The following ADGRB3 variants were observed in gnomAD, a reference collection of about 807,000 sequenced individuals.
ADGRB3 encodes adhesion G protein-coupled receptor B3.
ADGRB3 carries 37 observed loss-of-function variants against 193.4 expected under a neutral mutation model. The ratio of observed to expected loss-of-function variants is 0.19; its 90% CI spans 0.15 to 0.25. ADGRB3 has a LOEUF of 0.25. Among genes scored for constraint, ADGRB3 ranks in the 10% least tolerant of loss-of-function variants. The pLI, the probability that ADGRB3 is intolerant of heterozygous loss-of-function variation, is 1.00. For synonymous variants in ADGRB3, 690 were observed against 644.2 expected, an observed-to-expected ratio of 1.07 and a Z score of -1.08; for missense variants, 1,637 against 1,852.9, an observed-to-expected ratio of 0.88 and a Z score of 2.14.
chr6:68,848,960 A>G, intron 3 of ADGRB3, among the ~76,000 whole-genome samples: 1 of 152,074 alleles, frequency 6.6e-6, no homozygotes, highest in East Asian at 1.9e-4. Flanking sequence ...TCAGTTAATA[A>G]AAACACCATT....
At chr6:69,086,363 T>C (rs1419211603) in intron 17 of ADGRB3, among the ~76,000 whole-genome samples, 1 of 152,140 alleles carries the variant, frequency 6.6e-6, no homozygotes, top group Non-Finnish European at 1.5e-5. Context: ...TTTGATACTC[T>C]TAGTAGAACT....
chr6:69,008,560 C>G (rs1271361862), intron 11 of ADGRB3, among the ~76,000 whole-genome samples: 1 of 152,070 alleles, frequency 6.6e-6, no homozygotes, highest in Non-Finnish European at 1.5e-5. Flanking sequence ...TTATACCATT[C>G]CTTTGCTGAA....
chr6:69,193,987 A>T (rs1351571744), intron 17 of ADGRB3, among the ~76,000 whole-genome samples: 1 of 151,970 alleles, frequency 6.6e-6, no homozygotes. Context: ...TGTCTTCTTC[A>T]TCATCATTCA....
At position 69,172,643 on chromosome 6, in the gene ADGRB3, CAAAAAAAAAAAAAAAAA is replaced by C. The variant is rs70987454; in HGVS notation, c.2481-60634_2481-60618del. 1.8e-3 allele frequency among the ~76,000 whole-genome samples: 49 copies of C among 26,834 alleles called. 5 individuals carry two copies. The Admixed American group carries it at 0.029, about 16-fold the overall frequency. The allele number at this position is 26,834 out of a possible 152,430, so 17.6% of individuals were successfully genotyped here. A position where few individuals can be genotyped will look rare whatever the true frequency, so the allele number is the denominator to read the frequency against. On this transcript the variant is annotated intron_variant, in intron 17 of 31. Coordinates refer to ENST00000370598, the MANE Select transcript of ADGRB3 (RefSeq NM_001704.3). Reference sequence around the variant, plus strand: ...TGGGCGACAGAGCGAGACTCTGTCTCAAAAAAAAAAAAAAAAAAAAAAAAAAAAAGAGAAATAAAGAA... The same window carrying C: ...TGGGCGACAGAGCGAGACTCTGTCTCAAAAAAAAAAAAGAGAAATAAAGAA...
intron 17 of ADGRB3, chr6:69,232,479 C>T: frequency 5.2e-6 from 8 of 1,533,210 alleles, no homozygotes; most frequent in Non-Finnish European, 7.0e-6. Flanking sequence ...TCCTACTGGA[C>T]TTTGGGGTGG....
intron 20 of ADGRB3, among the ~76,000 whole-genome samples, chr6:69,254,977 G>A (rs1252675432): frequency 2.3e-4 from 35 of 150,472 alleles, no homozygotes; most frequent in African/African-American, 8.1e-4. Flanking sequence ...TTGTTCTTGC[G>A]ATAGTTTACT....
At chr6:69,344,014 A>G (rs1769033989) in intron 26 of ADGRB3, among the ~76,000 whole-genome samples, 2 of 152,198 alleles carry the variant, frequency 1.3e-5, no homozygotes, top group Admixed American at 1.3e-4. Flanking sequence ...CTAGGAAACC[A>G]CTTTCTTGGT....
At chr6:69,095,178 G>A (rs535319681) in intron 17 of ADGRB3, among the ~76,000 whole-genome samples, 1 of 152,260 alleles carries the variant, frequency 6.6e-6, no homozygotes, top group African/African-American at 2.4e-5. Flanking sequence ...ATGTCTGCAG[G>A]TTATTCTAAC....
chr6:68,837,744 G>A (rs1426097315), intron 3 of ADGRB3, among the ~76,000 whole-genome samples: 1 of 152,068 alleles, frequency 6.6e-6, no homozygotes, highest in African/African-American at 2.4e-5. Flanking sequence ...GGAATGGGGG[G>A]CTATTTCATG....
At chr6:69,150,257 A>G (rs1362843580) in intron 17 of ADGRB3, among the ~76,000 whole-genome samples, 1 of 152,138 alleles carries the variant, frequency 6.6e-6, no homozygotes, top group African/African-American at 2.4e-5. Context: ...GCCATGAGTC[A>G]GGAACCTTAG....
rs1554252122 is a variant in ADGRB3 at position 69,043,334 on chromosome 6, G to GAAAGAAAGAAAGAAAGGAAGAAAGAA, written c.2108-4844_2108-4843insGAAAGAAAGGAAGAAAGAAAAAGAAA. ...AAAGAAAGAAAGAAAGAAAGAAAGA[G>GAAAGAAAGAAAGAAAGGAAGAAAGAA]AAAGAAAAGAAGATTAAGTAAAAAG... On this transcript the variant is annotated intron_variant, in intron 13 of 31. Transcript: ENST00000370598. 1.7e-4 allele frequency among the ~76,000 whole-genome samples: 19 copies of GAAAGAAAGAAAGAAAGGAAGAAAGAA among 110,104 alleles called. 1 individual carries two copies. The highest frequency in any genetic ancestry group is 6.0e-4 in the African/African-American group (19 of 31,494). The allele number at this position is 110,104 out of a possible 152,430, so 72.2% of individuals were successfully genotyped here. A position where few individuals can be genotyped will look rare whatever the true frequency, so the allele number is the denominator to read the frequency against.
intron 31 of ADGRB3, among the ~76,000 whole-genome samples, 198 bp downstream of exon 31, chr6:69,383,133 T>G (rs915990522): frequency 2.0e-5 from 3 of 152,028 alleles, no homozygotes; most frequent in Admixed American, 2.0e-4. Context: ...TTATTCATAT[T>G]TCAAATATCC....
intron 10 of ADGRB3, among the ~76,000 whole-genome samples, chr6:68,989,593 AT>A (rs1769174712): frequency 6.6e-6 from 1 of 152,158 alleles, no homozygotes; most frequent in African/African-American, 2.4e-5. Flanking sequence ...ATATTAACCC[AT>A]CATAATAACA....
intron 20 of ADGRB3, among the ~76,000 whole-genome samples, chr6:69,246,339 C>T (rs762078465): frequency 1.3e-5 from 2 of 152,070 alleles, no homozygotes; most frequent in African/African-American, 2.4e-5. Flanking sequence ...CTTGCTATGA[C>T]GTTTGTAAAA....
intron 3 of ADGRB3, among the ~76,000 whole-genome samples, chr6:68,794,534 A>G (rs565661846): frequency 2.0e-4 from 31 of 152,276 alleles, no homozygotes; most frequent in African/African-American, 5.8e-4. Flanking sequence ...ACCACTTTAT[A>G]TGCCTACCTA....
Position 69,124,124 on chromosome 6 carries a change from CTG to C in ADGRB3, c.2480+48088_2480+48089del, listed in dbSNP as rs1480364295. ...TTTTGTAGGTGACATTTTTAACTCT[CTG>C]TAATTTTTGACGTATCTTTATCTTT... is the stretch of plus-strand genomic sequence containing the variant. On this transcript the variant is annotated intron_variant, in intron 17 of 31. Coordinates refer to ENST00000370598, the MANE Select transcript of ADGRB3 (RefSeq NM_001704.3). Among the ~76,000 whole-genome samples the C allele has an allele frequency of 4.0e-5, 6 of 151,798 alleles. No homozygotes were observed. The South Asian group carries it at 1.3e-3, about 32-fold the overall frequency.
intron 3 of ADGRB3, among the ~76,000 whole-genome samples, chr6:68,882,775 A>G (rs1335300212): frequency 1.3e-5 from 2 of 152,184 alleles, no homozygotes; most frequent in African/African-American, 2.4e-5. Context: ...TACAACACCT[A>G]AAAAGCCCTT....
intron 3 of ADGRB3, among the ~76,000 whole-genome samples, chr6:68,771,424 A>G (rs1766616351): frequency 6.6e-6 from 1 of 152,082 alleles, no homozygotes; most frequent in African/African-American, 2.4e-5. Flanking sequence ...ATATGTATAC[A>G]CACACATACA....
chr6:69,102,806 CT>C (rs987471742), intron 17 of ADGRB3, among the ~76,000 whole-genome samples: 1 of 152,122 alleles, frequency 6.6e-6, no homozygotes, highest in African/African-American at 2.4e-5. Context: ...AAGTCACAAC[CT>C]TTTTTTGATA....
Sources: allele counts gnomAD v4.1 joint callset (sites outside exome capture counted in the v4.1 genomes callset), GRCh38; gene constraint gnomAD v4.1.1; transcripts MANE v1.5; gene names NCBI Gene and HGNC (gene_info 2026-07-23, HGNC 2026-07-21).